The following ANKRD39 variants were observed in gnomAD, a reference collection of about 807,000 sequenced individuals.
The protein encoded by ANKRD39 is ankyrin repeat domain 39.
A neutral mutation model predicts 20.3 loss-of-function variants in ANKRD39; 18 were observed. The observed-to-expected ratio is 0.89, with a 90% CI of 0.61 to 1.32. The LOEUF is 1.32. Ranked by LOEUF, ANKRD39 falls within the 40% of genes most tolerant of loss-of-function variation. ANKRD39 has a pLI of 0.00. For missense variants in ANKRD39, 243 were observed against 250.7 expected (o/e 0.97, Z 0.21); for synonymous variants, 106 against 111.9 (o/e 0.95, Z 0.33).
Position 96,848,389 on chromosome 2 carries a change from G to C in ANKRD39, c.464C>G (p.Ala155Gly), listed in dbSNP as rs770385380. 5.6e-6 allele frequency: 9 copies of C among 1,614,070 alleles called. No individual in the cohort carries two copies. The Admixed American group carries it at 1.2e-4, about 21-fold the overall frequency. ...ICSLLLQHSPALKAIRDRKAR... is the reference protein window; with the variant it reads ...ICSLLLQHSPGLKAIRDRKAR... ...CTTTCGGTCCCGGATGGCCTTCAGG[G>C]CTGGGCTGTGTTGCAGGAGGAGGGA... The change falls in exon 4 of 4, where the codon GCC becomes GGC. Residue 155 changes from alanine to glycine, a missense_variant. Coordinates refer to ENST00000393537, the MANE Select transcript of ANKRD39 (RefSeq NM_016466.6).
At chr2:96,850,491 C>T (rs1452296194) in intron 3 of ANKRD39, among the ~76,000 whole-genome samples, 2 of 152,002 alleles carry the variant, frequency 1.3e-5, no homozygotes, top group African/African-American at 2.4e-5. Context: ...CATGGTGAAA[C>T]TGTCTCTACT....
Position 96,853,597 on chromosome 2 carries a change from G to A in ANKRD39, c.212C>T (p.Ala71Val). 1 of 1,611,650 alleles carries A rather than the reference G, an allele frequency of 6.2e-7. No homozygotes were observed. The highest frequency in any genetic ancestry group is 8.5e-7 in the Non-Finnish European group (1 of 1,179,750). Residue 71 changes from alanine to valine, a missense_variant, in exon 3 of 4, where the codon GCC becomes GTC. Ala to Val is a moderately conservative substitution (Grantham distance 64, BLOSUM62 0). Coordinates refer to ENST00000393537, the MANE Select transcript of ANKRD39 (RefSeq NM_016466.6). ...DSAGYTALHYASRNGHYAVCQ... is the reference protein window; with the variant it reads ...DSAGYTALHYVSRNGHYAVCQ... ...CACAGCGTAGTGCCCATTGCGGCTG[G>A]CATAGTGCTGCAGGGAACAGAGACC...
At chr2:96,857,095 C>G (rs2079869004) in intron 1 of ANKRD39, among the ~76,000 whole-genome samples, 1 of 152,112 alleles carries the variant, frequency 6.6e-6, no homozygotes, top group Non-Finnish European at 1.5e-5. Context: ...GGAAGGCAAG[C>G]GTGGAAGCAG....
rs370247309 is a variant in ANKRD39 at position 96,857,872 on chromosome 2, C to A, written c.100+16G>T. The A allele has an allele frequency of 4.8e-5, 75 of 1,558,608 alleles. No homozygotes were observed. The highest frequency in any genetic ancestry group is 6.0e-5 in the Non-Finnish European group (69 of 1,158,302). On this transcript the variant is annotated intron_variant, in intron 1 of 3. Transcript: ENST00000393537. ...GGGGCCTGGTGAGAACCACGAGGGC[C>A]GCGCGGCAGCCTCACCCCTCTCGAA...
intron 3 of ANKRD39, among the ~76,000 whole-genome samples, chr2:96,850,427 G>A (rs2079831096): frequency 6.6e-6 from 1 of 152,216 alleles, no homozygotes; most frequent in South Asian, 2.1e-4. Context: ...AACTTTGGGA[G>A]GCCGAGGGAG....
intron 3 of ANKRD39, among the ~76,000 whole-genome samples, chr2:96,851,141 G>A (rs1432825611): frequency 2.0e-5 from 3 of 151,798 alleles, no homozygotes; most frequent in African/African-American, 4.8e-5. Flanking sequence ...TTACAGGTGT[G>A]TGCCACCACA....
intron 3 of ANKRD39, among the ~76,000 whole-genome samples, chr2:96,852,386 C>CAAAAA (rs1232527949): frequency 8.8e-5 from 4 of 45,594 alleles, no homozygotes; most frequent in African/African-American, 2.4e-4. Context: ...GACCCTGTCT[C>CAAAAA]AAAAAAAAAA....
chr2:96,852,405 AAAG>A (rs1179772701), intron 3 of ANKRD39, among the ~76,000 whole-genome samples: 5 of 149,446 alleles, frequency 3.3e-5, no homozygotes, highest in Admixed American at 6.7e-5. Flanking sequence ...AAAAAAAAAA[AAAG>A]AGAAGAAAAA....
intron 3 of ANKRD39, among the ~76,000 whole-genome samples, chr2:96,849,683 G>C (rs547001499): frequency 1.3e-5 from 2 of 152,168 alleles, no homozygotes; most frequent in South Asian, 4.2e-4. Flanking sequence ...AAGAGACAGG[G>C]TCTTGCCATG....
At chr2:96,855,548 C>A (rs892119991) in intron 1 of ANKRD39, among the ~76,000 whole-genome samples, 3 of 151,968 alleles carry the variant, frequency 2.0e-5, no homozygotes, top group Non-Finnish European at 4.4e-5. Flanking sequence ...CAGAGTAAAA[C>A]CCCGTCTCTA....
At chr2:96,850,691 A>C (rs2079832608) in intron 3 of ANKRD39, among the ~76,000 whole-genome samples, 1 of 152,130 alleles carries the variant, frequency 6.6e-6, no homozygotes, top group Middle Eastern at 3.4e-3. Context: ...CAAAAAAAAA[A>C]ACAAAAACAT....
chr2:96,857,941 G>T lies in ANKRD39; in HGVS notation c.47C>A (p.Pro16His). ...CTGCTGTACGCCGAGCACCGCGCTG[G>T]GATGCGAGCAGCAGGGCCCGTCCGC... ...PCADGPCCSH[P>H]SAVLGVQQTL... Residue 16 changes from proline to histidine, a missense_variant, in exon 1 of 4, where the codon CCC becomes CAC. Transcript: ENST00000393537. 1 of 1,581,618 alleles carries T rather than the reference G, an allele frequency of 6.3e-7. No homozygotes were observed. The highest frequency in any genetic ancestry group is 2.3e-5 in the East Asian group (1 of 43,824).
At chr2:96,852,173 G>C (rs2079840933) in intron 3 of ANKRD39, among the ~76,000 whole-genome samples, 1 of 151,800 alleles carries the variant, frequency 6.6e-6, no homozygotes, top group African/African-American at 2.4e-5. Flanking sequence ...GATTGTGCAA[G>C]TGTACTCTAG....
chr2:96,852,312 A>T (rs1278933336), intron 3 of ANKRD39, among the ~76,000 whole-genome samples: 1 of 148,806 alleles, frequency 6.7e-6, no homozygotes, highest in Non-Finnish European at 1.5e-5. Flanking sequence ...ACTCAAGCCC[A>T]GGAAGTCGGG....
chr2:96,851,630 T>C lies in ANKRD39; in HGVS notation c.408+1771A>G, dbSNP rs76741268. On this transcript the variant is annotated intron_variant, in intron 3 of 3. Transcript: ENST00000393537. The stretch of plus-strand genomic sequence containing the variant: ...TGAACAGGACAAAGCCCCAGCTGTC[T>C]CTACTGAGATACGCAGACCCCAAAC... Among the ~76,000 whole-genome samples the C allele has an allele frequency of 8.0e-3, 1,213 of 152,228 alleles. 19 individuals are homozygous for C. Among genetic ancestry groups the C allele is most frequent in the African/African-American group, 0.028 (1,159 of 41,544 alleles).
intron 1 of ANKRD39, 120 bp from the exon 2 acceptor site, chr2:96,854,561 T>C: frequency 1.1e-6 from 1 of 945,054 alleles, no homozygotes; most frequent in Non-Finnish European, 1.6e-6. Context: ...TCAACAAATA[T>C]CAACCGAGCA....
intron 1 of ANKRD39, among the ~76,000 whole-genome samples, chr2:96,857,170 T>A (rs558713380): frequency 6.4e-4 from 98 of 152,196 alleles, no homozygotes; most frequent in African/African-American, 2.2e-3. Context: ...CGGAGGGAAG[T>A]AGGCAGGTGC....
intron 3 of ANKRD39, among the ~76,000 whole-genome samples, chr2:96,851,643 G>A (rs936174574): frequency 1.3e-5 from 2 of 152,148 alleles, no homozygotes; most frequent in Non-Finnish European, 2.9e-5. Flanking sequence ...ACTGAGATAC[G>A]CAGACCCCAA....
In ANKRD39 at chr2:96,853,404, A is replaced by G; in HGVS notation, c.405T>C (p.His135=). Reference sequence around the variant, plus strand: ...TTGGAAGGGGGAACGGGCCCACCTTATGCAGACTGGTCATGCCGTCGTCAT... The same window carrying G: ...TTGGAAGGGGGAACGGGCCCACCTTGTGCAGACTGGTCATGCCGTCGTCAT... ...VVDDDGMTSL[H]KAAERGHGDI... The change falls in exon 3 of 4, where the codon CAT becomes CAC. Residue 135 remains histidine, a synonymous_variant. Transcript: ENST00000393537. 1 of 1,574,046 alleles carries G rather than the reference A, an allele frequency of 6.4e-7. No individual in the cohort carries two copies. Among genetic ancestry groups the G allele is most frequent in the South Asian group, 1.2e-5 (1 of 86,078 alleles).
Sources: gnomAD v4.1 joint callset for allele counts (sites outside exome capture counted in the v4.1 genomes callset) on GRCh38, gnomAD v4.1.1 for gene constraint, MANE v1.5 for transcripts, NCBI Gene and HGNC (gene_info 2026-07-23, HGNC 2026-07-21) for gene names.